Variants in MBD5 observed in about 807,000 individuals in gnomAD.
MBD5 encodes the protein methyl-CpG binding domain protein 5, also known as methyl-CpG-binding domain protein 5.
Under a neutral mutation model 117.3 loss-of-function variants are expected in MBD5, and 13 were observed. The ratio of observed to expected loss-of-function variants is 0.11; its 90% CI spans 0.07 to 0.18. The LOEUF (loss-of-function observed/expected upper bound fraction) is 0.18, where lower values mean the gene tolerates loss of function less well. Ranked by LOEUF, MBD5 falls within the 10% of genes least tolerant of loss-of-function variation. The pLI, the probability that MBD5 is intolerant of heterozygous loss-of-function variation, is 1.00. For missense variants in MBD5, 1,879 were observed against 2,093.8 expected (o/e 0.90, Z 2.00); for synonymous variants, 727 against 766.4 (o/e 0.95, Z 0.85).
At chr2:148,294,501 GTTTTTT>G (rs58961481) in intron 3 of MBD5, among the ~76,000 whole-genome samples, 9 of 113,216 alleles carry the variant, frequency 7.9e-5, no homozygotes, top group African/African-American at 1.1e-4. Flanking sequence ...TGGGATTACA[GTTTTTT>G]TTTTTTTTTT....
chr2:148,463,573 G>A (rs1707164794), intron 6 of MBD5, among the ~76,000 whole-genome samples, 166 bp from the exon 7 acceptor site: 1 of 152,126 alleles, frequency 6.6e-6, no homozygotes, highest in African/African-American at 2.4e-5. Flanking sequence ...CTTGAGTTCA[G>A]CAGAAGTACT....
chr2:148,102,894 G>A (rs1277281010), intron 1 of MBD5, among the ~76,000 whole-genome samples: 1 of 151,842 alleles, frequency 6.6e-6, no homozygotes, highest in African/African-American at 2.4e-5. Context: ...AATGTTTTGT[G>A]GGGAATTTTT....
intron 2 of MBD5, among the ~76,000 whole-genome samples, chr2:148,232,107 G>A (rs1700001796): frequency 6.6e-6 from 1 of 152,184 alleles, no homozygotes; most frequent in African/African-American, 2.4e-5. Flanking sequence ...TCTGAGAGAA[G>A]ACAAAGGTCA....
chr2:148,203,104 C>CAA (rs529122300), intron 2 of MBD5, among the ~76,000 whole-genome samples: 1,603 of 75,030 alleles, frequency 0.021, 45 homozygotes, highest in African/African-American at 0.074. Flanking sequence ...GACTCCATCT[C>CAA]AAAAAAAAAA....
chr2:148,421,828 G>C (rs1705617517), intron 4 of MBD5, among the ~76,000 whole-genome samples: 2 of 152,196 alleles, frequency 1.3e-5, no homozygotes, highest in Admixed American at 1.3e-4. Context: ...AGTTCGAACT[G>C]GGCAGAGCCC....
chr2:148,202,589 A>G (rs1699171707), intron 2 of MBD5, among the ~76,000 whole-genome samples: 1 of 152,230 alleles, frequency 6.6e-6, no homozygotes, highest in Admixed American at 6.5e-5. Flanking sequence ...TTAAAAATTT[A>G]GGTTTAATTT....
chr2:148,186,361 T>C (rs895485732), intron 2 of MBD5, among the ~76,000 whole-genome samples: 5 of 152,212 alleles, frequency 3.3e-5, no homozygotes, highest in African/African-American at 9.6e-5. Flanking sequence ...CCACTTTTTC[T>C]TCCCAGTCTT....
chr2:148,114,588 G>T (rs1696583091), intron 1 of MBD5, among the ~76,000 whole-genome samples: 2 of 152,168 alleles, frequency 1.3e-5, no homozygotes, highest in South Asian at 2.1e-4. Flanking sequence ...CCAGTAAGGG[G>T]TGTGGCTGGT....
intron 1 of MBD5, among the ~76,000 whole-genome samples, chr2:148,169,469 C>G (rs1698205454): frequency 6.6e-6 from 1 of 152,104 alleles, no homozygotes; most frequent in Non-Finnish European, 1.5e-5. Flanking sequence ...TCAGAAAAAT[C>G]TCTCAAGGTG....
chr2:148,508,852 T>C (rs1421986859), intron 12 of MBD5, among the ~76,000 whole-genome samples: 1 of 152,192 alleles, frequency 6.6e-6, no homozygotes, highest in African/African-American at 2.4e-5. Flanking sequence ...GCATCTATGG[T>C]ATGTCTAGCA....
At chr2:148,090,272 T>C (rs539092005) in intron 1 of MBD5, among the ~76,000 whole-genome samples, 2 of 152,176 alleles carry the variant, frequency 1.3e-5, no homozygotes, top group South Asian at 2.1e-4. Context: ...CAAAGAAGAA[T>C]TGGTACCAAT....
At chr2:148,374,068 T>G (rs1703925400) in intron 4 of MBD5, among the ~76,000 whole-genome samples, 2 of 152,080 alleles carry the variant, frequency 1.3e-5, no homozygotes, top group Non-Finnish European at 2.9e-5. Flanking sequence ...TATTCCAAAA[T>G]TCTTCTGGTT....
At chr2:148,195,138 G>C (rs909553601) in intron 2 of MBD5, among the ~76,000 whole-genome samples, 1 of 146,458 alleles carries the variant, frequency 6.8e-6, no homozygotes, top group Admixed American at 6.7e-5. Flanking sequence ...TTAGATATAG[G>C]GGGTAGACTC....
intron 3 of MBD5, among the ~76,000 whole-genome samples, chr2:148,305,076 AAT>A (rs1316757896): frequency 2.6e-5 from 4 of 151,834 alleles, no homozygotes; most frequent in African/African-American, 9.7e-5. Context: ...AAAAAAAAAA[AAT>A]AAAATAAAAT....
chr2:148,225,800 A>G (rs1186819742), intron 2 of MBD5, among the ~76,000 whole-genome samples: 1 of 152,184 alleles, frequency 6.6e-6, no homozygotes, highest in Non-Finnish European at 1.5e-5. Context: ...CCTGTGAAGT[A>G]TGAAATGAAA....
intron 3 of MBD5, among the ~76,000 whole-genome samples, chr2:148,304,564 G>A (rs1354692060): frequency 2.6e-5 from 4 of 152,122 alleles, no homozygotes; most frequent in African/African-American, 7.2e-5. Context: ...AAATATTATG[G>A]ATGACATTTG....
chr2:148,386,534 C>T (rs1423380976), intron 4 of MBD5, among the ~76,000 whole-genome samples: 4 of 151,300 alleles, frequency 2.6e-5, no homozygotes, highest in East Asian at 3.9e-4. Context: ...CCGGCTAAAA[C>T]GGTGAAACCC....
At chr2:148,504,087 A>G (rs528335482) in intron 12 of MBD5, among the ~76,000 whole-genome samples, 1 of 152,352 alleles carries the variant, frequency 6.6e-6, no homozygotes, top group South Asian at 2.1e-4. Context: ...TCTGAAAGGT[A>G]ATGAAAAACA....
At chr2:148,278,300 T>G (rs1202267316) in intron 3 of MBD5, among the ~76,000 whole-genome samples, 1 of 152,208 alleles carries the variant, frequency 6.6e-6, no homozygotes, top group Non-Finnish European at 1.5e-5. Flanking sequence ...GTGATCTGTT[T>G]TCATGAATGT....
Sources: allele counts gnomAD v4.1 joint callset (sites outside exome capture counted in the v4.1 genomes callset), GRCh38; gene constraint gnomAD v4.1.1; transcripts MANE v1.5; gene names NCBI Gene and HGNC (gene_info 2026-07-23, HGNC 2026-07-21).